Variants in COL26A1 observed in about 807,000 individuals in gnomAD.
COL26A1 encodes collagen type XXVI alpha 1 chain.
COL26A1 carries 41 observed loss-of-function variants against 59.3 expected under a neutral mutation model. The ratio of observed to expected loss-of-function variants is 0.69; its 90% CI spans 0.54 to 0.90. The LOEUF (loss-of-function observed/expected upper bound fraction) is 0.90, where lower values mean the gene tolerates loss of function less well. Among genes scored for constraint, COL26A1 ranks in the 40% least tolerant of loss-of-function variants. COL26A1 has a pLI of 0.00. For synonymous variants in COL26A1, 266 were observed against 256.0 expected (o/e 1.04, Z -0.37); for missense variants, 612 against 602.3 (o/e 1.02, Z -0.17).
chr7:101,435,219 TGA>T (rs1792886645), intron 2 of COL26A1, among the ~76,000 whole-genome samples: 1 of 152,164 alleles, frequency 6.6e-6, no homozygotes, highest in South Asian at 2.1e-4. Context: ...CTCAGGAGGC[TGA>T]GACAGAAGAC....
intron 1 of COL26A1, among the ~76,000 whole-genome samples, chr7:101,369,610 G>A (rs542743818): frequency 4.6e-5 from 7 of 150,774 alleles, no homozygotes; most frequent in Admixed American, 4.6e-4. Context: ...CACCACACCC[G>A]GCTAATATTT....
At chr7:101,489,735 TTC>T (rs552935088) in intron 3 of COL26A1, among the ~76,000 whole-genome samples, 3 of 102,674 alleles carry the variant, frequency 2.9e-5, no homozygotes, top group Admixed American at 8.7e-5. Context: ...CTCTCTCTCT[TTC>T]TCTCTTTCTT....
At chr7:101,385,185 TTCAATCCAA>T (rs1437256980) in intron 1 of COL26A1, among the ~76,000 whole-genome samples, 3 of 92,328 alleles carry the variant, frequency 3.2e-5, no homozygotes, top group Non-Finnish European at 5.7e-5. Context: ...CTTTGCATTC[TTCAATCCAA>T]TCAATTTGAC....
intron 1 of COL26A1, among the ~76,000 whole-genome samples, chr7:101,387,778 A>ATATTTTTTTTTTTTT (rs773025730): frequency 1.2e-5 from 1 of 84,810 alleles, no homozygotes; most frequent in African/African-American, 5.0e-5. Flanking sequence ...ATATATATAT[A>ATATTTTTTTTTTTTT]TTTTTTTTTA....
intron 1 of COL26A1, among the ~76,000 whole-genome samples, chr7:101,388,185 ACT>A (rs1295453273): frequency 6.7e-6 from 1 of 150,240 alleles, no homozygotes; most frequent in Non-Finnish European, 1.5e-5. Flanking sequence ...CAAAACTGAA[ACT>A]CTGGGCCGGG....
intron 3 of COL26A1, among the ~76,000 whole-genome samples, chr7:101,461,938 G>A (rs897037218): frequency 6.6e-6 from 1 of 151,740 alleles, no homozygotes; most frequent in African/African-American, 2.4e-5. Flanking sequence ...TTTTGCCTCT[G>A]CTTAGCCTGT....
chr7:101,556,977 G>C (rs1287090924), intron 12 of COL26A1, among the ~76,000 whole-genome samples: 1 of 142,700 alleles, frequency 7.0e-6, no homozygotes, highest in Non-Finnish European at 1.5e-5. Flanking sequence ...GGGTGGATAA[G>C]TGAGTGGATG....
At chr7:101,483,045 T>A (rs1794189449) in intron 3 of COL26A1, among the ~76,000 whole-genome samples, 1 of 152,116 alleles carries the variant, frequency 6.6e-6, no homozygotes, top group Non-Finnish European at 1.5e-5. Context: ...CGTGTGGATC[T>A]TTTACGGCCT....
In COL26A1 at chr7:101,542,028, G is replaced by A. The variant is rs188090812; in HGVS notation, c.605-1970G>A. ...ATCACTCAGGCTGGAGTGCAGTGTC[G>A]TGATCTCGGCTCACTGCAACCTCTG... On this transcript the variant is annotated intron_variant, in intron 5 of 12. Coordinates refer to ENST00000313669, the MANE Select transcript of COL26A1 (RefSeq NM_001278563.3). 1.8e-4 allele frequency among the ~76,000 whole-genome samples: 28 copies of A among 151,366 alleles called. No individual in the cohort carries two copies. The East Asian group carries it at 4.7e-3, about 25-fold the overall frequency.
chr7:101,496,875 G>T (rs1250336791), intron 3 of COL26A1, among the ~76,000 whole-genome samples: 1 of 141,866 alleles, frequency 7.0e-6, no homozygotes, highest in East Asian at 2.0e-4. Context: ...GTGAGACCCT[G>T]TCTCAAAGAA....
chr7:101,388,360 CT>C (rs1192503455), intron 1 of COL26A1, among the ~76,000 whole-genome samples: 1 of 151,586 alleles, frequency 6.6e-6, no homozygotes, highest in Non-Finnish European at 1.5e-5. Flanking sequence ...TGTAATTCAG[CT>C]ATCTGGGAGG....
At chr7:101,363,290 A>G in intron 1 of COL26A1, 100 bp downstream of exon 1, 2 of 975,348 alleles carry the variant, frequency 2.1e-6, no homozygotes, top group Admixed American at 4.5e-5. Flanking sequence ...GGGGCTGGAG[A>G]GCGGGGCGAT....
intron 3 of COL26A1, among the ~76,000 whole-genome samples, chr7:101,477,870 G>A (rs1794082916): frequency 6.6e-6 from 1 of 152,164 alleles, no homozygotes; most frequent in African/African-American, 2.4e-5. Context: ...CCTTTCGTGG[G>A]TCAGTAAAAT....
intron 3 of COL26A1, among the ~76,000 whole-genome samples, chr7:101,476,482 A>G (rs1164005522): frequency 1.3e-5 from 2 of 152,330 alleles, no homozygotes; most frequent in East Asian, 3.9e-4. Flanking sequence ...TAAGATGGAA[A>G]CAAGGAAATA....
intron 1 of COL26A1, among the ~76,000 whole-genome samples, chr7:101,403,080 G>A (rs2130204543): frequency 6.6e-6 from 1 of 152,046 alleles, no homozygotes; most frequent in East Asian, 1.9e-4. Context: ...CTGGCTTTAA[G>A]CAATCCTCCC....
At chr7:101,530,544 G>A (rs969976524) in intron 3 of COL26A1, among the ~76,000 whole-genome samples, 5 of 132,562 alleles carry the variant, frequency 3.8e-5, no homozygotes, top group Non-Finnish European at 7.7e-5. Context: ...CAGCCTGGGT[G>A]ACAAGAGTGA....
chr7:101,535,016 C>T (rs570712498), intron 4 of COL26A1, among the ~76,000 whole-genome samples: 22 of 152,326 alleles, frequency 1.4e-4, no homozygotes, highest in African/African-American at 5.3e-4. Context: ...CACAGGTGTG[C>T]GGGAGACATC....
chr7:101,506,698 A>T (rs1001727255), intron 3 of COL26A1, among the ~76,000 whole-genome samples: 1 of 152,218 alleles, frequency 6.6e-6, no homozygotes, highest in African/African-American at 2.4e-5. Flanking sequence ...GTCAGTGGGC[A>T]CCACGGTCCC....
intron 2 of COL26A1, among the ~76,000 whole-genome samples, chr7:101,434,201 T>C (rs1187392607): frequency 2.5e-4 from 10 of 39,288 alleles, no homozygotes; most frequent in Admixed American, 3.3e-4. Context: ...TCTCTCTCTC[T>C]CCCGCCCCAC....
Sources: gnomAD v4.1 joint callset for allele counts (sites outside exome capture counted in the v4.1 genomes callset) on GRCh38, gnomAD v4.1.1 for gene constraint, MANE v1.5 for transcripts, NCBI Gene and HGNC (gene_info 2026-07-23, HGNC 2026-07-21) for gene names.